The following RTKN2 variants were observed in gnomAD, a reference collection of about 807,000 sequenced individuals.
The protein encoded by RTKN2 is rhotekin 2.
A neutral mutation model predicts 71.5 loss-of-function variants in RTKN2; 69 were observed. That is an observed-to-expected ratio of 0.96 (90% confidence interval 0.79 to 1.18). RTKN2 has a LOEUF of 1.18. Among genes scored for constraint, RTKN2 ranks in the 50% most tolerant of loss-of-function variants. The pLI, the probability that RTKN2 is intolerant of heterozygous loss-of-function variation, is 0.00. For synonymous variants in RTKN2, 236 were observed against 236.5 expected (o/e 1.00, Z 0.02); for missense variants, 724 against 719.7 (o/e 1.01, Z -0.07).
At chr10:62,248,576 T>C (rs1437629474) in intron 2 of RTKN2, among the ~76,000 whole-genome samples, 1 of 152,116 alleles carries the variant, frequency 6.6e-6, no homozygotes, top group Non-Finnish European at 1.5e-5. Flanking sequence ...ACCTTATCCA[T>C]ATGAACCCAG....
At chr10:62,255,989 T>C (rs185037557) in intron 2 of RTKN2, among the ~76,000 whole-genome samples, 167 of 151,618 alleles carry the variant, frequency 1.1e-3, no homozygotes, top group Non-Finnish European at 1.9e-3. Flanking sequence ...GAATGCAGGA[T>C]ACTTTAAAGG....
chr10:62,251,235 G>T (rs181438693), intron 2 of RTKN2, among the ~76,000 whole-genome samples: 1 of 152,338 alleles, frequency 6.6e-6, no homozygotes, highest in Admixed American at 6.5e-5. Context: ...TATTTTGAAA[G>T]AGGGAACACA....
At chr10:62,189,388 C>A (rs375618768), downstream of RTKN2, among the ~76,000 whole-genome samples, 24 of 152,326 alleles carry the variant, frequency 1.6e-4, no homozygotes, top group South Asian at 4.8e-3. Context: ...ATGTCCAACT[C>A]ATGACTCTGA....
chr10:62,260,836 G>A (rs1842759362), intron 2 of RTKN2, among the ~76,000 whole-genome samples: 1 of 152,172 alleles, frequency 6.6e-6, no homozygotes, highest in African/African-American at 2.4e-5. Context: ...TGTGATAGAT[G>A]ACATAATATA....
intron 6 of RTKN2, among the ~76,000 whole-genome samples, chr10:62,235,394 G>A (rs1434830857): frequency 6.6e-6 from 1 of 152,100 alleles, no homozygotes. Flanking sequence ...TTAATTAGTA[G>A]ATTAATATGT....
chr10:62,194,260 A>G lies in RTKN2; in HGVS notation c.*3648T>C. On this transcript the variant is annotated 3_prime_UTR_variant, in exon 12 of 12. Transcript: ENST00000373789. ...GGTAACATCTTTCCCAGAGTTAACT[A>G]AGAACATCTATGATCCAGAATATGC... 1 of 984,860 alleles carries G rather than the reference A, an allele frequency of 1.0e-6. No homozygotes were observed. Among genetic ancestry groups the G allele is most frequent in the Non-Finnish European group, 1.2e-6 (1 of 829,386 alleles). The allele number at this position is 984,860 out of a possible 1,614,324, so 61.0% of individuals were successfully genotyped here. A position where few individuals can be genotyped will look rare whatever the true frequency, so the allele number is the denominator to read the frequency against.
rs1261243535 is a variant in RTKN2, at chr10:62,217,192, T to C, written c.946A>G (p.Lys316Glu). 2 of 1,605,114 alleles carry C rather than the reference T, an allele frequency of 1.2e-6. No individual in the cohort carries two copies. Among genetic ancestry groups the C allele is most frequent in the Non-Finnish European group, 1.7e-6 (2 of 1,175,792 alleles). ...RRLYCVLRGG[K>E]LYCFYSPEEI... ...TCTGGACTGTAAAAACAATAGAGTT[T>C]ACCTCCTCGCAAAACACAATACAAC... is the stretch of plus-strand genomic sequence containing the variant. Residue 316 changes from lysine to glutamate, a missense_variant, in exon 9 of 12, where the codon AAA becomes GAA. By Grantham distance (56) the Lys-to-Glu change is moderately conservative (BLOSUM62 1). Transcript: ENST00000373789.
intron 9 of RTKN2, among the ~76,000 whole-genome samples, chr10:62,214,195 TAATAATA>T (rs1841721153): frequency 6.6e-6 from 1 of 151,824 alleles, no homozygotes; most frequent in Admixed American, 6.6e-5. Flanking sequence ...TATTCTATAA[TAATAATA>T]AATATATCTT....
intron 11 of RTKN2, 70 bp downstream of exon 11, chr10:62,199,684 A>G: frequency 2.3e-6 from 2 of 880,574 alleles, no homozygotes; most frequent in Non-Finnish European, 3.7e-6. Flanking sequence ...TGTCAATAGA[A>G]TAAGCTGCTT....
chr10:62,214,844 A>G (rs865843364), intron 9 of RTKN2, among the ~76,000 whole-genome samples: 6 of 152,236 alleles, frequency 3.9e-5, no homozygotes, highest in Admixed American at 1.3e-4. Flanking sequence ...CAGTACGCCT[A>G]TGAGGAAATA....
intron 2 of RTKN2, among the ~76,000 whole-genome samples, chr10:62,260,407 T>A (rs1218318883): frequency 6.6e-6 from 1 of 152,232 alleles, no homozygotes; most frequent in African/African-American, 2.4e-5. Context: ...ATCAGTCACC[T>A]CAGGTTATAT....
intron 2 of RTKN2, among the ~76,000 whole-genome samples, chr10:62,250,664 C>T (rs1024782517): frequency 6.6e-5 from 10 of 152,152 alleles, no homozygotes; most frequent in Non-Finnish European, 1.5e-5. Context: ...GGGTCTCACT[C>T]TGTTGCCCAG....
chr10:62,263,504 A>C (rs1676024019), intron 1 of RTKN2, among the ~76,000 whole-genome samples: 1 of 152,246 alleles, frequency 6.6e-6, no homozygotes, highest in Non-Finnish European at 1.5e-5. Context: ...GCAGCCTTAG[A>C]AAACATACAA....
chr10:62,212,986 T>C (rs1363604934), intron 9 of RTKN2, among the ~76,000 whole-genome samples: 1 of 152,164 alleles, frequency 6.6e-6, no homozygotes, highest in East Asian at 1.9e-4. Flanking sequence ...ACCAACTTCT[T>C]ACCCTGAAAA....
chr10:62,255,772 A>G (rs534928010), intron 2 of RTKN2, among the ~76,000 whole-genome samples: 1 of 152,354 alleles, frequency 6.6e-6, no homozygotes, highest in East Asian at 1.9e-4. Flanking sequence ...CATCTAAAGC[A>G]AGGGTTTAAA....
chr10:62,214,571 T>A (rs1330879011), intron 9 of RTKN2, among the ~76,000 whole-genome samples: 1 of 152,122 alleles, frequency 6.6e-6, no homozygotes, highest in African/African-American at 2.4e-5. Context: ...ATATAAACAT[T>A]GTCACCACTT....
chr10:62,265,102 TAA>T (rs3080113), intron 1 of RTKN2, among the ~76,000 whole-genome samples: 46 of 151,456 alleles, frequency 3.0e-4, no homozygotes, highest in Non-Finnish European at 5.0e-4. Context: ...AAGTCAGGAT[TAA>T]AAAAAAAATG....
In RTKN2 at chr10:62,223,345, A is replaced by G; in HGVS notation, c.687-13T>C. 6.8e-7 allele frequency: 1 copy of G among 1,460,160 alleles called. No homozygotes were observed. The highest frequency in any genetic ancestry group is 9.6e-7 in the Non-Finnish European group (1 of 1,042,434). The allele number at this position is 1,460,160 out of a possible 1,614,324, so 90.5% of individuals were successfully genotyped here. A position where few individuals can be genotyped will look rare whatever the true frequency, so the allele number is the denominator to read the frequency against. On this transcript the variant is annotated splice_polypyrimidine_tract_variant and intron_variant, in intron 6 of 11. Coordinates refer to ENST00000373789, the MANE Select transcript of RTKN2 (RefSeq NM_145307.4). ...ATACTTTACACCACTAATAGTAAGA[A>G]AGAAGACATGTTTTAAGTATTTTTG...
intron 10 of RTKN2, among the ~76,000 whole-genome samples, chr10:62,202,888 C>T (rs985074837): frequency 3.3e-5 from 5 of 152,188 alleles, no homozygotes; most frequent in East Asian, 1.9e-4. Context: ...TAGCTGGGTG[C>T]GGTGGCTCAC....
Sources: allele counts gnomAD v4.1 joint callset (sites outside exome capture counted in the v4.1 genomes callset), GRCh38; gene constraint gnomAD v4.1.1; transcripts MANE v1.5; gene names NCBI Gene and HGNC (gene_info 2026-07-23, HGNC 2026-07-21).